Variants in EPHB2 observed in about 807,000 individuals in gnomAD.
The protein encoded by EPHB2 is EPH receptor B2.
In EPHB2, 18 loss-of-function variants were observed where a neutral mutation model predicts 96.4. The observed-to-expected ratio is 0.19, with a 90% CI of 0.13 to 0.28. The LOEUF is 0.28. Among genes scored for constraint, EPHB2 ranks in the 10% least tolerant of loss-of-function variants. The probability of loss-of-function intolerance (pLI) is 1.00; values close to 1 mark genes in which losing one functional copy is unlikely to be tolerated. For missense variants in EPHB2, 989 were observed against 1,355.4 expected (o/e 0.73, Z 4.25); for synonymous variants, 506 against 534.1 (o/e 0.95, Z 0.72).
At chr1:22,837,046 G>A (rs1645396045) in intron 3 of EPHB2, among the ~76,000 whole-genome samples, 1 of 152,222 alleles carries the variant, frequency 6.6e-6, no homozygotes, top group South Asian at 2.1e-4. Flanking sequence ...CTACACGGCG[G>A]GGGAGGGGGG....
In EPHB2 at chr1:22,910,478, C is replaced by T; in HGVS notation, c.2599C>T (p.Arg867Cys). The change falls in exon 14 of 16, where the codon CGC becomes TGC. Residue 867 changes from arginine to cysteine, a missense_variant. By Grantham distance (180) the Arg-to-Cys change is radical. Coordinates refer to ENST00000374630, the MANE Select transcript of EPHB2 (RefSeq NM_017449.5). ...CATGCTGGACTGTTGGCAGAAGGAC[C>T]GCAACCACCGGCCCAAGTTCGGCCA... ...QLMLDCWQKD[R>C]NHRPKFGQIV... The T allele has an allele frequency of 1.9e-6, 3 of 1,613,056 alleles. No homozygotes were observed. Among genetic ancestry groups the T allele is most frequent in the Non-Finnish European group, 1.7e-6 (2 of 1,180,002 alleles).
intron 1 of EPHB2, among the ~76,000 whole-genome samples, chr1:22,735,824 A>G (rs1358810801): frequency 1.3e-5 from 2 of 152,170 alleles, no homozygotes; most frequent in Non-Finnish European, 2.9e-5. Flanking sequence ...CGGCCCAGAG[A>G]GCAGGACTGA....
intron 9 of EPHB2, among the ~76,000 whole-genome samples, chr1:22,898,834 T>C (rs1639656033): frequency 6.6e-6 from 1 of 152,098 alleles, no homozygotes; most frequent in South Asian, 2.1e-4. Context: ...TGTGGATACG[T>C]AAGAATGAGC....
At position 22,912,477 on chromosome 1, in the gene EPHB2, C is replaced by T. The variant is rs754068692; in HGVS notation, c.2730C>T (p.Pro910=). ...TGCCGCTGCTGGACCGCACGATCCC[C>T]GACTACACCAGCTTTAACACGGTGG... ...INLPLLDRTI[P]DYTSFNTVDE... is the part of the protein sequence containing the mutation. The change falls in exon 15 of 16, where the codon CCC becomes CCT. Residue 910 remains proline, a synonymous_variant. Transcript: ENST00000374630. 11 of 1,614,146 alleles carry T rather than the reference C, an allele frequency of 6.8e-6. No homozygotes were observed. The highest frequency in any genetic ancestry group is 1.1e-5 in the South Asian group (1 of 91,084).
At chr1:22,889,753 C>T (rs1486224303) in intron 6 of EPHB2, among the ~76,000 whole-genome samples, 1 of 152,090 alleles carries the variant, frequency 6.6e-6, no homozygotes, top group African/African-American at 2.4e-5. Context: ...CAGACAGGGG[C>T]AACAGTGCTT....
intron 3 of EPHB2, among the ~76,000 whole-genome samples, chr1:22,826,192 G>T (rs1258236375): frequency 6.6e-6 from 1 of 152,184 alleles, no homozygotes; most frequent in African/African-American, 2.4e-5. Flanking sequence ...CAGGCAGTGA[G>T]TCTACTAAGT....
chr1:22,728,969 C>T (rs1291566712), intron 1 of EPHB2, among the ~76,000 whole-genome samples: 6 of 152,230 alleles, frequency 3.9e-5, no homozygotes, highest in African/African-American at 1.2e-4. Context: ...CAGCTGCACG[C>T]GGCGGGCCAG....
At chr1:22,821,243 G>T (rs4655122) in intron 3 of EPHB2, among the ~76,000 whole-genome samples, 1 of 152,224 alleles carries the variant, frequency 6.6e-6, no homozygotes, top group African/African-American at 2.4e-5. Context: ...CAGCCAGAAC[G>T]AAATCACATG....
chr1:22,719,068 G>A (rs958368620), intron 1 of EPHB2, among the ~76,000 whole-genome samples: 3 of 152,314 alleles, frequency 2.0e-5, no homozygotes, highest in Admixed American at 2.0e-4. Flanking sequence ...TGTGATAATG[G>A]TCAGAATAAT....
At chr1:22,848,840 G>A (rs1007486357) in intron 3 of EPHB2, among the ~76,000 whole-genome samples, 14 of 152,158 alleles carry the variant, frequency 9.2e-5, no homozygotes, top group Non-Finnish European at 2.9e-5. Flanking sequence ...GTTTCCGGGG[G>A]ATACAGTGGT....
intron 5 of EPHB2, among the ~76,000 whole-genome samples, chr1:22,872,063 GT>G: frequency 6.6e-6 from 1 of 152,134 alleles, no homozygotes; most frequent in Non-Finnish European, 1.5e-5. Context: ...GCTAAAAGCA[GT>G]GTTGGCAGGA....
At chr1:22,769,254 C>G (rs756255086) in intron 1 of EPHB2, among the ~76,000 whole-genome samples, 6 of 152,188 alleles carry the variant, frequency 3.9e-5, no homozygotes, top group Non-Finnish European at 7.3e-5. Flanking sequence ...GGATTCCAGA[C>G]TCAGCAAGGG....
At chr1:22,800,245 A>G (rs1487020196) in intron 3 of EPHB2, 2 of 152,258 alleles carry the variant, frequency 1.3e-5, no homozygotes, top group African/African-American at 4.8e-5. Flanking sequence ...GTACCCACTG[A>G]GCCAGCCTCT....
At position 22,860,030 on chromosome 1, in the gene EPHB2, A is replaced by C. The variant is rs758955501; in HGVS notation, c.812-3007A>C. On this transcript the variant is annotated intron_variant, in intron 3 of 15. Coordinates refer to ENST00000374630, the MANE Select transcript of EPHB2 (RefSeq NM_017449.5). The surrounding 1 kb of genome is among the most constrained non-coding windows in gnomAD (Gnocchi z 4.6). ...TTCATATAAATGGAATCCTGCTTTC[A>C]TGGCTGGCTTCTTTCACTGAGCACG... Among the ~76,000 whole-genome samples, 5 of 152,114 alleles carry C rather than the reference A, an allele frequency of 3.3e-5. No individual in the cohort carries two copies. The highest frequency in any genetic ancestry group is 4.8e-5 in the African/African-American group (2 of 41,420).
At chr1:22,805,883 G>A (rs1230641574) in intron 3 of EPHB2, among the ~76,000 whole-genome samples, 1 of 152,208 alleles carries the variant, frequency 6.6e-6, no homozygotes, top group African/African-American at 2.4e-5. Context: ...GGGAGGCCGA[G>A]CCCATTTGTA....
At position 22,868,885 on chromosome 1, in the gene EPHB2, A is replaced by ATTGTACTATACAATTACACAAATT. The variant is rs1380789772; in HGVS notation, c.1303+3673_1303+3674insTTGTACTATACAATTACACAAATT. On this transcript the variant is annotated intron_variant, in intron 5 of 15. Transcript: ENST00000374630. ...CAGTTTCCCCACCAAATTGTACATA[A>ATTGTACTATACAATTACACAAATT]GAACTATATGTAAGCATGACTTCCA... 5.3e-5 allele frequency among the ~76,000 whole-genome samples: 8 copies of ATTGTACTATACAATTACACAAATT among 152,284 alleles called. No homozygotes were observed. In the East Asian group the frequency reaches 1.5e-3, roughly 29 times the overall value.
chr1:22,801,910 G>A (rs1166984673), intron 3 of EPHB2, among the ~76,000 whole-genome samples: 1 of 152,206 alleles, frequency 6.6e-6, no homozygotes, highest in Non-Finnish European at 1.5e-5. Flanking sequence ...TCCAATTAGA[G>A]GAGCGGACAG....
chr1:22,781,941 A>C (rs1447122709), intron 2 of EPHB2, among the ~76,000 whole-genome samples: 1 of 152,128 alleles, frequency 6.6e-6, no homozygotes, highest in African/African-American at 2.4e-5. Flanking sequence ...GGCCCTATAG[A>C]TAATAAGTGA....
chr1:22,895,923 C>T (rs922215090), intron 8 of EPHB2, among the ~76,000 whole-genome samples: 34 of 152,178 alleles, frequency 2.2e-4, no homozygotes, highest in Non-Finnish European at 4.4e-4. Context: ...TGCATGAGTT[C>T]AGGCCCCCTG....
Sources: gnomAD v4.1 joint callset for allele counts (sites outside exome capture counted in the v4.1 genomes callset) on GRCh38, gnomAD v4.1.1 for gene constraint, Gnocchi (gnomAD v3.1) non-coding constraint, MANE v1.5 for transcripts, NCBI Gene and HGNC (gene_info 2026-07-23, HGNC 2026-07-21) for gene names.